Variants in SSBP4 observed in about 807,000 individuals in gnomAD.
SSBP4 encodes single-stranded DNA-binding protein 4.
A neutral mutation model predicts 64.6 loss-of-function variants in SSBP4; 33 were observed. The observed-to-expected ratio is 0.51, with a 90% CI of 0.39 to 0.68. The LOEUF (loss-of-function observed/expected upper bound fraction) is 0.68. Ranked by LOEUF, SSBP4 falls within the 30% of genes least tolerant of loss-of-function variation. The probability of loss-of-function intolerance (pLI) is 0.00; values close to 1 mark genes in which losing one functional copy is unlikely to be tolerated. For missense variants in SSBP4, 583 were observed against 566.8 expected (o/e 1.03, Z -0.29); for synonymous variants, 243 against 224.0 (o/e 1.08, Z -0.76).
intron 4 of SSBP4, among the ~76,000 whole-genome samples, chr19:18,429,242 G>T (rs537253785): frequency 6.6e-6 from 1 of 151,930 alleles, no homozygotes; most frequent in Admixed American, 6.5e-5. Context: ...GGCGGGGGAG[G>T]GGGGCGGGGG....
chr19:18,431,785 C>G lies in SSBP4; in HGVS notation c.496-8C>G. 10 of 1,550,244 alleles carry G rather than the reference C, an allele frequency of 6.5e-6. No homozygotes were observed. The highest frequency in any genetic ancestry group is 8.7e-6 in the Non-Finnish European group (10 of 1,145,298). ...CCCACACTCAGTGCCGCCGCACCCC[C>G]TCCGCAGCCTCCCGCAGGCCTCCCT... On this transcript the variant is annotated splice_polypyrimidine_tract_variant and splice_region_variant and intron_variant, in intron 7 of 17. Coordinates refer to ENST00000270061, the MANE Select transcript of SSBP4 (RefSeq NM_032627.5).
the SSBP4 span, among the ~76,000 whole-genome samples, chr19:18,405,922 C>T: frequency 3.3e-5 from 5 of 150,000 alleles, no homozygotes; most frequent in Non-Finnish European, 5.9e-5. Context: ...ACCTGGGAGG[C>T]GGAGCTTGCA....
Position 18,427,955 on chromosome 19 carries a change from C to A in SSBP4, c.252C>A (p.Ser84=), listed in dbSNP as rs568000049. The change falls in exon 4 of 18, where the codon TCC becomes TCA. Residue 84 remains serine (S), a synonymous_variant. Coordinates refer to ENST00000270061, the MANE Select transcript of SSBP4 (RefSeq NM_032627.5). This position sits in a 1 kb window ranked among gnomAD's most constrained non-coding sequence, Gnocchi z 4.4. ...ACAGAAGAGAGGCCTGCGAGCACTC[C>A]GGCGAGGCCAAGGCCTTCCAGGACT... ...APDRREACEH[S]GEAKAFQDYS... 1.6e-5 allele frequency: 26 copies of A among 1,610,676 alleles called. No homozygotes were observed. The South Asian group carries it at 2.6e-4, about 16-fold the overall frequency.
intron 17 of SSBP4, 43 bp from the exon 18 acceptor site, chr19:18,434,174 G>A: frequency 2.5e-6 from 4 of 1,609,042 alleles, no homozygotes; most frequent in Non-Finnish European, 1.7e-6. Flanking sequence ...CTCTTCCGGA[G>A]CTGAACTCGG....
the SSBP4 span, among the ~76,000 whole-genome samples, chr19:18,412,662 C>T: frequency 6.6e-6 from 1 of 152,070 alleles, no homozygotes; most frequent in Non-Finnish European, 1.5e-5. Flanking sequence ...ACACGACACC[C>T]TTGATGCCGT....
At chr19:18,414,734 G>A (rs1183260548), upstream of SSBP4, among the ~76,000 whole-genome samples, 1 of 152,142 alleles carries the variant, frequency 6.6e-6, no homozygotes, top group South Asian at 2.1e-4. Context: ...TTTGGCAGAG[G>A]CTTCTTGGCC....
upstream of SSBP4, chr19:18,418,924 A>C: frequency 1.0e-6 from 1 of 970,464 alleles, no homozygotes; most frequent in Non-Finnish European, 1.2e-6. The surrounding 1 kb of genome is among the most constrained non-coding windows in gnomAD (Gnocchi z 6.7). Flanking sequence ...GTGGCAGTGT[A>C]TGTGTGTCGC....
the SSBP4 span, among the ~76,000 whole-genome samples, chr19:18,405,886 G>A: frequency 1.3e-5 from 2 of 151,938 alleles, no homozygotes; most frequent in African/African-American, 4.8e-5. Flanking sequence ...AGCTACTCCG[G>A]AGGCTGAGGC....
upstream of SSBP4, among the ~76,000 whole-genome samples, chr19:18,416,625 T>G (rs923912943): frequency 7.9e-5 from 12 of 152,232 alleles, no homozygotes; most frequent in East Asian, 2.3e-3. Flanking sequence ...CCTGCCATCA[T>G]CCCCCTCTTC....
chr19:18,421,866 G>A (rs1467708742), intron 1 of SSBP4, among the ~76,000 whole-genome samples: 1 of 152,156 alleles, frequency 6.6e-6, no homozygotes, highest in Non-Finnish European at 1.5e-5. Flanking sequence ...GTCTGAAAGA[G>A]AGCTGGGGAG....
upstream of SSBP4, among the ~76,000 whole-genome samples, chr19:18,417,707 G>A (rs1286838869): frequency 2.0e-5 from 3 of 152,184 alleles, no homozygotes; most frequent in South Asian, 2.1e-4. The surrounding 1 kb of genome is among the most constrained non-coding windows in gnomAD (Gnocchi z 5.4). Flanking sequence ...AGGAAGCTGG[G>A]GGAAGGGGCG....
chr19:18,424,585 G>A (rs1394555101), intron 1 of SSBP4, among the ~76,000 whole-genome samples: 1 of 151,426 alleles, frequency 6.6e-6, no homozygotes, highest in Non-Finnish European at 1.5e-5. Context: ...CGGCACAGGA[G>A]GGTTTGAACA....
intron 17 of SSBP4, 25 bp downstream of exon 17, chr19:18,433,842 C>A (rs1401628248): frequency 9.6e-6 from 13 of 1,358,896 alleles, no homozygotes; most frequent in African/African-American, 1.8e-5. Flanking sequence ...CGACTCCCCC[C>A]CCGCGGCGGC....
At chr19:18,425,134 T>G (rs530423962) in intron 1 of SSBP4, among the ~76,000 whole-genome samples, 5 of 151,712 alleles carry the variant, frequency 3.3e-5, no homozygotes, top group African/African-American at 1.2e-4. Context: ...GGCCACCTCC[T>G]GGGTTAGGCA....
chr19:18,405,761 G>A, the SSBP4 span, among the ~76,000 whole-genome samples: 1 of 152,154 alleles, frequency 6.6e-6, no homozygotes. Context: ...TCGAGAGCAG[G>A]CAGATCACGA....
At chr19:18,418,835 C>T, upstream of SSBP4, 1 of 398,154 alleles carries the variant, frequency 2.5e-6, no homozygotes, top group Non-Finnish European at 3.4e-6. This position sits in a 1 kb window ranked among gnomAD's most constrained non-coding sequence, Gnocchi z 6.7. Context: ...TGCATAAGCG[C>T]GCGCCTGCGT....
the SSBP4 span, among the ~76,000 whole-genome samples, chr19:18,407,722 T>C: frequency 6.6e-6 from 1 of 151,996 alleles, no homozygotes; most frequent in African/African-American, 2.4e-5. Context: ...TGAGCCACTG[T>C]ACCCGGCCTT....
the SSBP4 span, among the ~76,000 whole-genome samples, chr19:18,408,174 G>C: frequency 5.3e-5 from 8 of 152,254 alleles, no homozygotes; most frequent in Non-Finnish European, 1.2e-4. Context: ...TTTCTTGGCT[G>C]ACAGTGACGC....
In SSBP4 at chr19:18,432,089, T is replaced by C; in HGVS notation, c.636+19T>C. On this transcript the variant is annotated intron_variant, in intron 9 of 17. Coordinates refer to ENST00000270061, the MANE Select transcript of SSBP4 (RefSeq NM_032627.5). ...GCCCCAGGTAAGAGTGGAGCCCTGG[T>C]GGGTGGGGCCTTCGGGCTGTCCCCG... is the stretch of plus-strand genomic sequence containing the variant. 6.3e-7 allele frequency: 1 copy of C among 1,599,990 alleles called. No homozygotes were observed. The highest frequency in any genetic ancestry group is 8.5e-7 in the Non-Finnish European group (1 of 1,170,890).
Sources: allele counts gnomAD v4.1 joint callset (sites outside exome capture counted in the v4.1 genomes callset), GRCh38; gene constraint gnomAD v4.1.1; non-coding constraint Gnocchi (gnomAD v3.1); transcripts MANE v1.5; gene names NCBI Gene and HGNC (gene_info 2026-07-23, HGNC 2026-07-21).